The following TCEA3 variants were observed in gnomAD, a reference collection of about 807,000 sequenced individuals.
TCEA3 encodes the protein transcription elongation factor A3.
TCEA3 carries 36 observed loss-of-function variants against 44.0 expected under a neutral mutation model. That is an observed-to-expected ratio of 0.82 (90% CI 0.63 to 1.08). The LOEUF is 1.08. Among genes scored for constraint, TCEA3 ranks in the 50% least tolerant of loss-of-function variants. TCEA3 has a pLI of 0.00. For missense variants in TCEA3, 392 were observed against 441.2 expected, an observed-to-expected ratio of 0.89 and a Z score of 1.00; for synonymous variants, 162 against 159.7, an observed-to-expected ratio of 1.01 and a Z score of -0.11.
intron 7 of TCEA3, 26 bp from the exon 8 acceptor site, chr1:23,394,059 C>T (rs1374490980): frequency 1.2e-6 from 2 of 1,613,158 alleles, no homozygotes; most frequent in East Asian, 2.2e-5. Flanking sequence ...GCCGGCCAGC[C>T]ATTCATGGAG....
intron 7 of TCEA3, among the ~76,000 whole-genome samples, chr1:23,395,462 C>T (rs190262893): frequency 7.0e-4 from 107 of 152,356 alleles, no homozygotes; most frequent in African/African-American, 2.5e-3. Context: ...TACCCTCCCC[C>T]TGACCTCCAG....
rs1638878114 is a variant in TCEA3, at chr1:23,387,381, G to C, written c.858C>G (p.Ala286=). 4.3e-6 allele frequency: 7 copies of C among 1,610,826 alleles called. No individual in the cohort carries two copies. Among genetic ancestry groups the C allele is most frequent in the Non-Finnish European group, 5.9e-6 (7 of 1,178,562 alleles). ...GCTCACGGATGGCCTCCTGGGTCATGGCATTCCTCAACTCCCTCAGTTCAT... is the reference window on the plus strand; with the variant it reads ...GCTCACGGATGGCCTCCTGGGTCATCGCATTCCTCAACTCCCTCAGTTCAT... ...ASDELRELRN[A]MTQEAIREHQ... is the part of the protein sequence containing the mutation. The change falls in exon 9 of 11, where the codon GCC becomes GCG. Residue 286 remains alanine, a synonymous_variant. Transcript: ENST00000450454.
At chr1:23,424,428 C>G (rs1640157932) in intron 1 of TCEA3, 137 bp downstream of exon 1, 2 of 732,526 alleles carry the variant, frequency 2.7e-6, no homozygotes, top group Admixed American at 5.3e-5. Flanking sequence ...GGGCCCTGCA[C>G]CAGCCGCTCC....
chr1:23,386,958 G>T (rs542215055), intron 9 of TCEA3, among the ~76,000 whole-genome samples: 1 of 151,972 alleles, frequency 6.6e-6, no homozygotes, highest in South Asian at 2.1e-4. Context: ...CTGACCTCGT[G>T]ATCCGCCCGT....
chr1:23,414,615 C>T lies in TCEA3; in HGVS notation c.380+2634G>A, dbSNP rs149020727. Among the ~76,000 whole-genome samples, 615 of 152,160 alleles carry T rather than the reference C, an allele frequency of 4.0e-3. 2 individuals carry two copies. Among genetic ancestry groups the T allele is most frequent in the African/African-American group, 0.014 (592 of 41,520 alleles). ...ACAGGGTTTCACTGGGTTGGCCAGG[C>T]TTGTCTTGAACTCCTGACCTTGTGA... On this transcript the variant is annotated intron_variant, in intron 4 of 10. Transcript: ENST00000450454.
At chr1:23,419,255 C>T in intron 1 of TCEA3, 116 bp from the exon 2 acceptor site, 1 of 697,798 alleles carries the variant, frequency 1.4e-6, no homozygotes, top group Non-Finnish European at 2.3e-6. Context: ...GGCCGAAGGA[C>T]AGGCAAGGGG....
At chr1:23,418,500 C>T (rs1312125906) in intron 2 of TCEA3, among the ~76,000 whole-genome samples, 4 of 152,058 alleles carry the variant, frequency 2.6e-5, no homozygotes, top group Admixed American at 1.3e-4. Context: ...TTAGTAGAAA[C>T]GGGGTTTCAC....
intron 4 of TCEA3, among the ~76,000 whole-genome samples, chr1:23,409,275 A>C (rs1042089489): frequency 6.6e-6 from 1 of 152,168 alleles, no homozygotes. Context: ...ACGCAAGAAA[A>C]CCAATGCATA....
chr1:23,397,476 C>A lies in TCEA3; in HGVS notation c.664+69G>T. On this transcript the variant is annotated intron_variant, in intron 7 of 10. Transcript: ENST00000450454. ...CCTCTCCTTCCTCACTCTCCCAGCT[C>A]GCTTGCACCTTGGATGGGTGCTGCT... is the stretch of plus-strand genomic sequence containing the variant. The A allele has an allele frequency of 4.8e-6, 7 of 1,463,902 alleles. No individual in the cohort carries two copies. The South Asian group carries it at 7.3e-5, about 15-fold the overall frequency. 90.7% of individuals were successfully genotyped at this position (1,463,902 alleles called of 1,614,324 possible).
chr1:23,388,837 C>T (rs1422279157), intron 8 of TCEA3, among the ~76,000 whole-genome samples: 1 of 152,128 alleles, frequency 6.6e-6, no homozygotes, highest in Non-Finnish European at 1.5e-5. Context: ...GCATGCACCA[C>T]CAAACCTGGT....
At chr1:23,404,066 T>G (rs1303309070) in intron 5 of TCEA3, 1 of 697,590 alleles carries the variant, frequency 1.4e-6, no homozygotes, top group Non-Finnish European at 2.6e-6. Context: ...AAAATCCTCC[T>G]GCCCCAGGTC....
At chr1:23,390,140 A>G (rs1384180779) in intron 8 of TCEA3, among the ~76,000 whole-genome samples, 1 of 152,160 alleles carries the variant, frequency 6.6e-6, no homozygotes, top group Non-Finnish European at 1.5e-5. Context: ...GAAAGATAGG[A>G]GTTCCTGGGG....
intron 1 of TCEA3, 151 bp downstream of exon 1, chr1:23,424,414 C>A (rs893256416): frequency 6.4e-5 from 42 of 653,364 alleles, no homozygotes; most frequent in Non-Finnish European, 9.6e-5. Flanking sequence ...CCCCAAGGGG[C>A]CTTGGGCCCT....
chr1:23,395,497 T>C (rs1007731445), intron 7 of TCEA3, among the ~76,000 whole-genome samples: 1 of 152,146 alleles, frequency 6.6e-6, no homozygotes, highest in African/African-American at 2.4e-5. Context: ...AGAGCTAAAG[T>C]GTTTGATGCA....
At chr1:23,386,955 C>G (rs1455846981) in intron 9 of TCEA3, among the ~76,000 whole-genome samples, 1 of 151,826 alleles carries the variant, frequency 6.6e-6, no homozygotes, top group Non-Finnish European at 1.5e-5. Flanking sequence ...CTCCTGACCT[C>G]GTGATCCGCC....
intron 4 of TCEA3, among the ~76,000 whole-genome samples, chr1:23,416,865 C>T (rs916216898): frequency 2.6e-5 from 4 of 152,184 alleles, no homozygotes; most frequent in African/African-American, 9.6e-5. Flanking sequence ...TTACAAGATT[C>T]GGGATGTGAG....
At position 23,400,037 on chromosome 1, in the gene TCEA3, T is replaced by C. The variant is rs1284061073; in HGVS notation, c.444-2082A>G. 3.3e-5 allele frequency among the ~76,000 whole-genome samples: 5 copies of C among 152,148 alleles called. No homozygotes were observed. The East Asian group carries it at 9.6e-4, about 29-fold the overall frequency. On this transcript the variant is annotated intron_variant, in intron 5 of 10. Coordinates refer to ENST00000450454, the MANE Select transcript of TCEA3 (RefSeq NM_003196.3). The stretch of plus-strand genomic sequence containing the variant: ...AGAAGGCCAAGGTTTGCATGGGCAA[T>C]GTCAAAGGGCTCAATGCAGCTGGAG...
At chr1:23,394,667 C>A (rs1216568059) in intron 7 of TCEA3, among the ~76,000 whole-genome samples, 5 of 152,254 alleles carry the variant, frequency 3.3e-5, no homozygotes, top group Non-Finnish European at 7.3e-5. Flanking sequence ...CCTACAAGAC[C>A]TGTTACCATC....
intron 10 of TCEA3, chr1:23,383,899 G>A (rs987611404): frequency 2.0e-6 from 2 of 1,000,980 alleles, no homozygotes; most frequent in Non-Finnish European, 2.4e-6. Flanking sequence ...ATGGCCTGGT[G>A]GCATTTAGGT....
Sources: allele counts gnomAD v4.1 joint callset (sites outside exome capture counted in the v4.1 genomes callset), GRCh38; gene constraint gnomAD v4.1.1; transcripts MANE v1.5; gene names NCBI Gene and HGNC (gene_info 2026-07-23, HGNC 2026-07-21).